The following DCLK1 variants were observed in gnomAD, a reference collection of about 807,000 sequenced individuals.
The protein encoded by DCLK1 is doublecortin like kinase 1.
A neutral mutation model predicts 86.2 loss-of-function variants in DCLK1; 16 were observed. The ratio of observed to expected loss-of-function variants is 0.19; its 90% confidence interval spans 0.13 to 0.28. DCLK1 has a LOEUF of 0.28. DCLK1 is among the 10% of genes least tolerant of loss of function. The pLI, the probability that DCLK1 is intolerant of heterozygous loss-of-function variation, is 1.00. For synonymous variants in DCLK1, 369 were observed against 370.5 expected, an observed-to-expected ratio of 1.00 and a Z score of 0.05; for missense variants, 590 against 940.2, an observed-to-expected ratio of 0.63 and a Z score of 4.87.
intron 4 of DCLK1, among the ~76,000 whole-genome samples, chr13:35,917,009 C>T (rs1226124126): frequency 1.3e-5 from 2 of 152,174 alleles, no homozygotes; most frequent in Admixed American, 6.5e-5. Flanking sequence ...GCATCATTAT[C>T]GCTGAAGACA....
chr13:36,057,731 C>T (rs1377783976), intron 3 of DCLK1, among the ~76,000 whole-genome samples: 1 of 152,080 alleles, frequency 6.6e-6, no homozygotes. Flanking sequence ...GCCAGCATGG[C>T]TTTTAGTTTG....
intron 16 of DCLK1, among the ~76,000 whole-genome samples, chr13:35,782,886 G>A (rs928053005): frequency 2.0e-5 from 3 of 152,244 alleles, no homozygotes; most frequent in African/African-American, 7.2e-5. Context: ...TTTAAGTTGT[G>A]CAAGCCACAT....
chr13:36,012,679 C>G (rs1357459965), intron 3 of DCLK1, among the ~76,000 whole-genome samples: 1 of 128,070 alleles, frequency 7.8e-6, no homozygotes, highest in African/African-American at 3.0e-5. Context: ...TTCATTTCAA[C>G]TTTGGTGAAT....
chr13:36,053,771 C>G (rs34214038), intron 3 of DCLK1, among the ~76,000 whole-genome samples: 32,700 of 151,808 alleles, frequency 0.22, 4,116 homozygotes, highest in Non-Finnish European at 0.28. Context: ...GACTTCTAAG[C>G]ACAAACATTA....
In DCLK1 at chr13:36,060,331, T is replaced by C. The variant is rs76049127; in HGVS notation, c.723+51538A>G. Among the ~76,000 whole-genome samples, 725 of 152,290 alleles carry C rather than the reference T, an allele frequency of 4.8e-3. 5 individuals are homozygous for C. The highest frequency in any genetic ancestry group is 6.9e-3 in the Non-Finnish European group (472 of 68,006). ...TATTATCTACTCAGTACTACGTCACTCTTTCATAGCTGATTGTCTGTCTTT... is the reference window on the plus strand; with the variant it reads ...TATTATCTACTCAGTACTACGTCACCCTTTCATAGCTGATTGTCTGTCTTT... On this transcript the variant is annotated intron_variant, in intron 3 of 16. Transcript: ENST00000360631.
chr13:35,805,640 C>A, intron 15 of DCLK1, 59 bp downstream of exon 15: 1 of 1,514,656 alleles, frequency 6.6e-7, no homozygotes, highest in Admixed American at 1.8e-5. Flanking sequence ...AGAAAATCTG[C>A]AACTGATTTT....
rs1875699252 is a variant in DCLK1, at chr13:35,919,983, C to CA, written c.823+27374dup. Reference sequence around the variant, plus strand: ...ACACAGCCGGCAAATAAAATAAATACATTAATCAGTAGCAATTTTCCCCTT... The same window carrying CA: ...ACACAGCCGGCAAATAAAATAAATACAATTAATCAGTAGCAATTTTCCCCTT... On this transcript the variant is annotated intron_variant, in intron 4 of 16. Transcript: ENST00000360631. Among the ~76,000 whole-genome samples, 7 of 151,994 alleles carry CA rather than the reference C, an allele frequency of 4.6e-5. No individual in the cohort carries two copies. The South Asian group carries it at 1.5e-3, about 32-fold the overall frequency.
At chr13:35,910,543 T>C (rs940574853) in intron 4 of DCLK1, among the ~76,000 whole-genome samples, 2 of 152,256 alleles carry the variant, frequency 1.3e-5, no homozygotes, top group African/African-American at 2.4e-5. Context: ...AAGGTTGATG[T>C]CAACATATTT....
At chr13:35,962,323 G>A (rs1309894441) in intron 3 of DCLK1, among the ~76,000 whole-genome samples, 1 of 152,100 alleles carries the variant, frequency 6.6e-6, no homozygotes, top group Non-Finnish European at 1.5e-5. Flanking sequence ...TATAAGAAAA[G>A]GACACTTGGA....
intron 4 of DCLK1, among the ~76,000 whole-genome samples, chr13:35,894,443 G>C (rs929529533): frequency 6.6e-6 from 1 of 152,230 alleles, no homozygotes; most frequent in Non-Finnish European, 1.5e-5. Context: ...GGCTCTCGCA[G>C]TGGAGAGGAG....
At chr13:35,898,587 AG>A (rs938721328) in intron 4 of DCLK1, among the ~76,000 whole-genome samples, 14 of 152,350 alleles carry the variant, frequency 9.2e-5, no homozygotes, top group African/African-American at 3.4e-4. Flanking sequence ...GTTGATTTAA[AG>A]GAAATTGTGA....
At chr13:35,783,775 G>A (rs751725351) in intron 16 of DCLK1, among the ~76,000 whole-genome samples, 6 of 151,872 alleles carry the variant, frequency 4.0e-5, no homozygotes, top group Admixed American at 6.6e-5. Context: ...TAGTAGAGAC[G>A]GGGTTTCACC....
chr13:35,800,725 G>T (rs182134428), intron 15 of DCLK1, among the ~76,000 whole-genome samples: 4 of 151,708 alleles, frequency 2.6e-5, no homozygotes, highest in Admixed American at 2.6e-4. Flanking sequence ...CTTTTTGTTT[G>T]TTTGTTTTTT....
intron 3 of DCLK1, among the ~76,000 whole-genome samples, chr13:35,965,342 A>G (rs2153138100): frequency 6.6e-6 from 1 of 152,324 alleles, no homozygotes; most frequent in South Asian, 2.1e-4. Flanking sequence ...AGGACCAGTC[A>G]GTCCAAAGGA....
rs1004555288 is a variant in DCLK1 at position 36,122,057 on chromosome 13, T to A, written c.376+3705A>T. 3.3e-5 allele frequency among the ~76,000 whole-genome samples: 5 copies of A among 152,278 alleles called. No individual in the cohort carries two copies. In the South Asian group the frequency reaches 8.3e-4, roughly 25 times the overall value. Reference sequence around the variant, plus strand: ...TTTATATCTATTCAAAAATTAATTTTAAAAAATTCATTATAGCAAGGAGAG... The same window carrying A: ...TTTATATCTATTCAAAAATTAATTTAAAAAAATTCATTATAGCAAGGAGAG... On this transcript the variant is annotated intron_variant, in intron 2 of 16. Coordinates refer to ENST00000360631, the MANE Select transcript of DCLK1 (RefSeq NM_001330071.2).
intron 3 of DCLK1, among the ~76,000 whole-genome samples, chr13:35,950,171 G>A (rs192318364): frequency 1.3e-5 from 2 of 152,280 alleles, no homozygotes; most frequent in East Asian, 1.9e-4. Flanking sequence ...TTATAAAACC[G>A]CTCCTTGCTA....
At chr13:35,849,640 A>T (rs1365132803) in intron 6 of DCLK1, 1 of 981,780 alleles carries the variant, frequency 1.0e-6, no homozygotes, top group Non-Finnish European at 1.2e-6. Flanking sequence ...GAGCAGAATT[A>T]GTAGGTTAAT....
chr13:35,920,142 T>C (rs980041914), intron 4 of DCLK1, among the ~76,000 whole-genome samples: 1 of 152,340 alleles, frequency 6.6e-6, no homozygotes, highest in Admixed American at 6.5e-5. Flanking sequence ...TTCCTTCTCC[T>C]GATATAAATG....
chr13:36,128,753 T>TTATAC (rs146379246), intron 1 of DCLK1, among the ~76,000 whole-genome samples: 28,530 of 152,038 alleles, frequency 0.19, 2,926 homozygotes, highest in East Asian at 0.43. Flanking sequence ...TCAAAAACAG[T>TTATAC]TATATATAGG....
Sources: gnomAD v4.1 joint callset for allele counts (sites outside exome capture counted in the v4.1 genomes callset) on GRCh38, gnomAD v4.1.1 for gene constraint, MANE v1.5 for transcripts, NCBI Gene and HGNC (gene_info 2026-07-23, HGNC 2026-07-21) for gene names.